Variants in UBA6 observed in about 807,000 individuals in gnomAD.
The protein encoded by UBA6 is ubiquitin-like modifier-activating enzyme 6.
UBA6 carries 87 observed loss-of-function variants against 148.3 expected under a neutral mutation model. That is an observed-to-expected ratio of 0.59 (90% confidence interval 0.49 to 0.70). The LOEUF (loss-of-function observed/expected upper bound fraction) is 0.70. Among genes scored for constraint, UBA6 ranks in the 30% least tolerant of loss-of-function variants. The pLI is 0.00. For missense variants in UBA6, 1,186 were observed against 1,241.2 expected, an observed-to-expected ratio of 0.96 and a Z score of 0.67; for synonymous variants, 376 against 401.0, an observed-to-expected ratio of 0.94 and a Z score of 0.75.
rs905791789 is a variant in UBA6, at chr4:67,675,601, C to T, written c.466-1824G>A. Among the ~76,000 whole-genome samples the T allele has an allele frequency of 2.6e-5, 4 of 151,960 alleles. No individual in the cohort carries two copies. The East Asian group carries it at 7.7e-4, about 29-fold the overall frequency. ...TAAAAATTAGCAGGGCGTGGTGGCA[C>T]GTGCCTGTGATCCCAGCTACTTGGG... is the stretch of plus-strand genomic sequence containing the variant. On this transcript the variant is annotated intron_variant, in intron 6 of 32. Transcript: ENST00000322244.
Position 67,697,196 on chromosome 4 carries a change from G to A in UBA6, c.72-489C>T, listed in dbSNP as rs372030678. Among the ~76,000 whole-genome samples, 5 of 152,238 alleles carry A rather than the reference G, an allele frequency of 3.3e-5. No individual in the cohort carries two copies. In the East Asian group the frequency reaches 7.7e-4, roughly 24 times the overall value. Reference sequence around the variant, plus strand: ...AATTTTGTAATTTTAGTAGAGATGGGGTTTTACCATGTTGGCCAGGCTGGT... The same window carrying A: ...AATTTTGTAATTTTAGTAGAGATGGAGTTTTACCATGTTGGCCAGGCTGGT... On this transcript the variant is annotated intron_variant, in intron 1 of 32. Coordinates refer to ENST00000322244, the MANE Select transcript of UBA6 (RefSeq NM_018227.6).
chr4:67,619,243 CT>C lies in UBA6; in HGVS notation c.3024-112del. 5.4e-6 allele frequency: 4 copies of C among 741,050 alleles called. No homozygotes were observed. The South Asian group carries it at 5.6e-5, about 10-fold the overall frequency. The allele number at this position is 741,050 out of a possible 1,614,324, so 45.9% of individuals were successfully genotyped here. On this transcript the variant is annotated intron_variant, in intron 32 of 32. Transcript: ENST00000322244. ...TGGACTTGTATCTAGACTTTAACAT[CT>C]AATAATAATCTGCTTTCACATATTC...
At chr4:67,648,270 C>A (rs1269601151) in intron 14 of UBA6, among the ~76,000 whole-genome samples, 2 of 151,028 alleles carry the variant, frequency 1.3e-5, no homozygotes, top group Admixed American at 1.3e-4. Flanking sequence ...AGTTTGAGAC[C>A]AGTCTGGCCA....
intron 17 of UBA6, among the ~76,000 whole-genome samples, chr4:67,643,930 T>C (rs1470137771): frequency 6.6e-6 from 1 of 152,092 alleles, no homozygotes; most frequent in Non-Finnish European, 1.5e-5. Flanking sequence ...GTAATAGTGG[T>C]TTGTGAAGCA....
At chr4:67,629,568 G>C (rs1269326824) in intron 26 of UBA6, among the ~76,000 whole-genome samples, 1 of 151,958 alleles carries the variant, frequency 6.6e-6, no homozygotes, top group East Asian at 1.9e-4. Flanking sequence ...CCTTAAGAAG[G>C]AGGGAGATAT....
chr4:67,628,046 C>T lies in UBA6; in HGVS notation c.2400+1025G>A, dbSNP rs559378746. Among the ~76,000 whole-genome samples, 93 of 150,772 alleles carry T rather than the reference C, an allele frequency of 6.2e-4. No homozygotes were observed. In the South Asian group the frequency reaches 0.019, roughly 32 times the overall value. ...TACCACCCAAGCAGCTAAATTCTGG[C>T]TGGAGAAAAGATCATTACCCTTTCT... On this transcript the variant is annotated intron_variant, in intron 27 of 32. Coordinates refer to ENST00000322244, the MANE Select transcript of UBA6 (RefSeq NM_018227.6).
chr4:67,667,020 TATTC>T (rs1405449578), intron 9 of UBA6, among the ~76,000 whole-genome samples: 1 of 152,190 alleles, frequency 6.6e-6, no homozygotes, highest in East Asian at 1.9e-4. Flanking sequence ...TATTTAAACT[TATTC>T]ATCTCTCCCT....
At chr4:67,673,873 G>GATCT in intron 6 of UBA6, 96 bp from the exon 7 acceptor site, 1 of 741,826 alleles carries the variant, frequency 1.3e-6, no homozygotes, top group South Asian at 1.9e-5. Flanking sequence ...TTGTGCTAAA[G>GATCT]ACACATCGCT....
chr4:67,670,042 G>A (rs554819543), intron 8 of UBA6, among the ~76,000 whole-genome samples: 5 of 152,198 alleles, frequency 3.3e-5, no homozygotes, highest in African/African-American at 7.2e-5. Flanking sequence ...TCCGCCTCCC[G>A]GGTTCAAGTC....
chr4:67,662,132 A>C, intron 13 of UBA6, 57 bp downstream of exon 13: 2 of 1,524,684 alleles, frequency 1.3e-6, no homozygotes, highest in Non-Finnish European at 1.8e-6. Context: ...ACTAATATAC[A>C]GAACACTTAT....
Position 67,652,928 on chromosome 4 carries a change from G to A in UBA6, c.1105-3717C>T, listed in dbSNP as rs535587927. ...CCATGGAGCCTTGCTCACTGCTAGC[G>A]CAGCAGTCTGAGATCCACCTGCGAG... On this transcript the variant is annotated intron_variant, in intron 13 of 32. Coordinates refer to ENST00000322244, the MANE Select transcript of UBA6 (RefSeq NM_018227.6). Among the ~76,000 whole-genome samples the A allele has an allele frequency of 2.0e-5, 3 of 152,310 alleles. No individual in the cohort carries two copies. In the East Asian group the frequency reaches 5.8e-4, roughly 29 times the overall value.
chr4:67,663,654 A>G, intron 11 of UBA6: 1 of 503,870 alleles, frequency 2.0e-6, no homozygotes, highest in Non-Finnish European at 3.5e-6. Context: ...AAATCATTAT[A>G]AAAGTGAAAC....
At position 67,618,220 on chromosome 4, in the gene UBA6, G is replaced by A. The variant is rs1414983580; in HGVS notation, c.*777C>T. Reference sequence around the variant, plus strand: ...TTTAGAGTCTCACATAAATAAAATAGCCACATTAGAAGGCATACTGAAGAA... The same window carrying A: ...TTTAGAGTCTCACATAAATAAAATAACCACATTAGAAGGCATACTGAAGAA... On this transcript the variant is annotated 3_prime_UTR_variant, in exon 33 of 33. Transcript: ENST00000322244. 6.6e-6 allele frequency: 1 copy of A among 152,492 alleles called. No individual in the cohort carries two copies. Among genetic ancestry groups the A allele is most frequent in the Non-Finnish European group, 1.5e-5 (1 of 67,980 alleles). The allele number at this position is 152,492 out of a possible 1,614,324, so 9.4% of individuals were successfully genotyped here.
Position 67,696,709 on chromosome 4 carries a change from T to TG in UBA6, c.72-3dup, listed in dbSNP as rs752772558. 1.6e-5 allele frequency: 26 copies of TG among 1,601,406 alleles called. No homozygotes were observed. In the African/African-American group the frequency reaches 3.1e-4, roughly 19 times the overall value. ...ATAATGGGCAAATTTTTATTTGTGC[T>TG]GGAAAAAAAAACATGGTTATTAAAT... On this transcript the variant is annotated splice_region_variant and splice_polypyrimidine_tract_variant and intron_variant, in intron 1 of 32. Coordinates refer to ENST00000322244, the MANE Select transcript of UBA6 (RefSeq NM_018227.6).
Position 67,630,311 on chromosome 4 carries a change from C to A in UBA6, c.2328+155G>T, listed in dbSNP as rs1449491569. On this transcript the variant is annotated intron_variant, in intron 26 of 32. Coordinates refer to ENST00000322244, the MANE Select transcript of UBA6 (RefSeq NM_018227.6). Reference sequence around the variant, plus strand: ...CAATACTGCAATGAGCTTTTAGCTTCCATTATGTTAGTATGGGTAAAAATA... The same window carrying A: ...CAATACTGCAATGAGCTTTTAGCTTACATTATGTTAGTATGGGTAAAAATA... 1.8e-5 allele frequency: 11 copies of A among 614,236 alleles called. No homozygotes were observed. The East Asian group carries it at 3.5e-4, about 19-fold the overall frequency. The allele number at this position is 614,236 out of a possible 1,614,324, so 38.0% of individuals were successfully genotyped here.
chr4:67,618,053 A>AC lies in UBA6; in HGVS notation c.*943dup, dbSNP rs928847636. 2 of 149,280 alleles carry AC rather than the reference A, an allele frequency of 1.3e-5. No individual in the cohort carries two copies. Among genetic ancestry groups the AC allele is most frequent in the African/African-American group, 4.9e-5 (2 of 40,956 alleles). 9.2% of individuals were successfully genotyped at this position (149,280 alleles called of 1,614,324 possible). A position where few individuals can be genotyped will look rare whatever the true frequency, so the allele number is the denominator to read the frequency against. ...TGTTTAAAAAAAAAAAACAAAAAAA[A>AC]CACAAAATTTAATACCCTAATTAGG... is the stretch of plus-strand genomic sequence containing the variant. On this transcript the variant is annotated 3_prime_UTR_variant, in exon 33 of 33. Coordinates refer to ENST00000322244, the MANE Select transcript of UBA6 (RefSeq NM_018227.6).
At chr4:67,683,037 A>G (rs889922985) in intron 2 of UBA6, among the ~76,000 whole-genome samples, 7 of 152,184 alleles carry the variant, frequency 4.6e-5, no homozygotes. Context: ...TTTCTTATCT[A>G]GAGAGACAAA....
chr4:67,645,526 G>A (rs1729402232), intron 16 of UBA6, among the ~76,000 whole-genome samples: 1 of 152,034 alleles, frequency 6.6e-6, no homozygotes, highest in African/African-American at 2.4e-5. Context: ...TTGAACCAGA[G>A]GCAGAGGTTG....
chr4:67,624,883 T>C, intron 29 of UBA6, 111 bp downstream of exon 29: 1 of 839,628 alleles, frequency 1.2e-6, no homozygotes, highest in South Asian at 2.6e-5. Context: ...TGAGATCCAA[T>C]ATTTATCCTT....
Sources: allele counts gnomAD v4.1 joint callset (sites outside exome capture counted in the v4.1 genomes callset), GRCh38; gene constraint gnomAD v4.1.1; transcripts MANE v1.5; gene names NCBI Gene and HGNC (gene_info 2026-07-23, HGNC 2026-07-21).